KAT6B: variants seen among roughly 807,000 people sequenced by gnomAD.
The protein encoded by KAT6B is lysine acetyltransferase 6B, also known as histone acetyltransferase KAT6B.
KAT6B carries 10 observed loss-of-function variants against 187.5 expected under a neutral mutation model. That is an observed-to-expected ratio of 0.05 (90% CI 0.03 to 0.09). The LOEUF is 0.09. Among genes scored for constraint, KAT6B ranks in the 10% least tolerant of loss-of-function variants. KAT6B has a pLI of 1.00. For synonymous variants in KAT6B, 861 were observed against 926.8 expected (o/e 0.93, Z 1.29); for missense variants, 1,952 against 2,558.9 (o/e 0.76, Z 5.12).
chr10:74,997,199 C>G (rs964298673), intron 13 of KAT6B, among the ~76,000 whole-genome samples: 1 of 151,694 alleles, frequency 6.6e-6, no homozygotes, highest in African/African-American at 2.4e-5. Context: ...ATCTCTCTCT[C>G]TTTCTCTCTC....
At chr10:74,896,101 C>T (rs1012356450) in intron 3 of KAT6B, among the ~76,000 whole-genome samples, 6 of 152,052 alleles carry the variant, frequency 3.9e-5, no homozygotes, top group African/African-American at 9.7e-5. Flanking sequence ...GCTTTTCTCT[C>T]CTATAGCCTC....
chr10:74,859,550 G>A (rs1170750797), intron 3 of KAT6B, among the ~76,000 whole-genome samples: 1 of 152,168 alleles, frequency 6.6e-6, no homozygotes, highest in Admixed American at 6.5e-5. Context: ...GAGGTAACGA[G>A]CCTCTAGAAT....
chr10:74,969,082 AC>A (rs1841681118), intron 4 of KAT6B, among the ~76,000 whole-genome samples: 1 of 151,930 alleles, frequency 6.6e-6, no homozygotes, highest in South Asian at 2.1e-4. Context: ...CAGAGTTTAA[AC>A]TCAGTGACCC....
chr10:74,842,568 T>G, intron 2 of KAT6B, 32 bp from the exon 3 acceptor site: 1 of 583,058 alleles, frequency 1.7e-6, no homozygotes. Context: ...GCTTCATTAT[T>G]AAGAGACTTT....
chr10:74,982,342 CT>C, intron 11 of KAT6B: 2 of 215,296 alleles, frequency 9.3e-6, no homozygotes, highest in Non-Finnish European at 9.4e-6. Flanking sequence ...ACACAACCAC[CT>C]GTGTTTCCAT....
At chr10:74,992,291 A>G (rs1843167165) in intron 13 of KAT6B, among the ~76,000 whole-genome samples, 1 of 152,202 alleles carries the variant, frequency 6.6e-6, no homozygotes, top group East Asian at 1.9e-4. Context: ...AATGTGATGC[A>G]CTGTGTGTAT....
At chr10:74,995,441 G>C (rs1366136945) in intron 13 of KAT6B, among the ~76,000 whole-genome samples, 1 of 152,188 alleles carries the variant, frequency 6.6e-6, no homozygotes, top group Non-Finnish European at 1.5e-5. Context: ...TATTCTCAGT[G>C]AATGTGCCCT....
At position 75,022,238 on chromosome 10, in the gene KAT6B, GTCTGTT is replaced by G; in HGVS notation, c.3372+9_3372+14del. On this transcript the variant is annotated splice_region_variant and intron_variant, in intron 16 of 17. Transcript: ENST00000287239. ...AGTTGCCATAAAGAGAAAGGTAGGT[GTCTGTT>G]TAGATTTTCTGTGAGTCGCGTTCAA... 1.2e-6 allele frequency: 2 copies of G among 1,613,070 alleles called. No homozygotes were observed. The highest frequency in any genetic ancestry group is 2.2e-5 in the South Asian group (2 of 91,078).
intron 3 of KAT6B, among the ~76,000 whole-genome samples, chr10:74,942,493 TG>T (rs1308453148): frequency 6.6e-6 from 1 of 151,934 alleles, no homozygotes; most frequent in African/African-American, 2.4e-5. Context: ...TGGCTGGGCA[TG>T]GTGGCTCATA....
At chr10:74,945,974 TTCC>T (rs1839922718) in intron 3 of KAT6B, among the ~76,000 whole-genome samples, 1 of 152,222 alleles carries the variant, frequency 6.6e-6, no homozygotes, top group Admixed American at 6.5e-5. Context: ...TGAGAAATAT[TTCC>T]TCCTCCTCTA....
chr10:74,884,043 G>T (rs1167010224), intron 3 of KAT6B, among the ~76,000 whole-genome samples: 1 of 152,108 alleles, frequency 6.6e-6, no homozygotes, highest in Non-Finnish European at 1.5e-5. Flanking sequence ...CATGGAGATG[G>T]GAGAGAAAAA....
At position 74,918,939 on chromosome 10, in the gene KAT6B, C is replaced by T. The variant is rs372989397; in HGVS notation, c.622-41031C>T. Among the ~76,000 whole-genome samples the T allele has an allele frequency of 1.9e-4, 29 of 151,978 alleles. No homozygotes were observed. The South Asian group carries it at 2.7e-3, about 14-fold the overall frequency. On this transcript the variant is annotated intron_variant, in intron 3 of 17. Transcript: ENST00000287239. ...GTCTTTAAAAATATTTTCTCTGGGC[C>T]GTGCATGGTGGCTCACGCTTGTAAT... is the stretch of plus-strand genomic sequence containing the variant.
intron 3 of KAT6B, among the ~76,000 whole-genome samples, chr10:74,922,847 A>G (rs1848236076): frequency 6.6e-6 from 1 of 152,178 alleles, no homozygotes; most frequent in African/African-American, 2.4e-5. Context: ...TTCTGTAGTC[A>G]TATTTTTTTT....
At chr10:74,987,641 T>C (rs1473014248) in intron 12 of KAT6B, among the ~76,000 whole-genome samples, 1 of 152,244 alleles carries the variant, frequency 6.6e-6, no homozygotes, top group East Asian at 1.9e-4. Context: ...AATAGATGGC[T>C]GTAAACAGAA....
chr10:74,871,774 T>G (rs553306610), intron 3 of KAT6B, among the ~76,000 whole-genome samples: 2 of 152,312 alleles, frequency 1.3e-5, no homozygotes, highest in South Asian at 4.1e-4. Flanking sequence ...CAAGGAAGTT[T>G]CAGGTGCTAG....
At chr10:74,957,171 G>T (rs1321262256) in intron 3 of KAT6B, among the ~76,000 whole-genome samples, 1 of 152,204 alleles carries the variant, frequency 6.6e-6, no homozygotes, top group Middle Eastern at 3.4e-3. Context: ...CCATTTACAT[G>T]CGTTACTGTA....
At chr10:74,839,634 CA>C (rs1195675266) in intron 2 of KAT6B, among the ~76,000 whole-genome samples, 1 of 152,212 alleles carries the variant, frequency 6.6e-6, no homozygotes, top group African/African-American at 2.4e-5. Flanking sequence ...CTACTTTCTG[CA>C]GTTGTATTTT....
At chr10:74,926,439 C>CT in intron 3 of KAT6B, among the ~76,000 whole-genome samples, 1 of 152,316 alleles carries the variant, frequency 6.6e-6, no homozygotes, top group East Asian at 1.9e-4. Flanking sequence ...GGGCAACAGA[C>CT]TGAGACTCTG....
rs754657979 is a variant in KAT6B, at chr10:75,030,745, C to T, written c.5921C>T (p.Ala1974Val). 8 of 1,614,066 alleles carry T rather than the reference C, an allele frequency of 5.0e-6. No individual in the cohort carries two copies. The highest frequency in any genetic ancestry group is 1.3e-5 in the African/African-American group (1 of 74,936). The change falls in exon 18 of 18, where the codon GCG becomes GTG. Residue 1974 changes from alanine to valine, a missense_variant. Ala to Val is a moderately conservative substitution (Grantham distance 64). Around this residue, in one of 9 missense-constraint regions of KAT6B, gnomAD observed 358 missense variants for 436.3 expected, o/e 0.82. Coordinates refer to ENST00000287239, the MANE Select transcript of KAT6B (RefSeq NM_012330.4). This position sits in a 1 kb window ranked among gnomAD's most constrained non-coding sequence, Gnocchi z 4.8. ...AACATGAGTGTGAACCTGATGCCAG[C>T]GCCAGCCTACAATGTCAACTCTGTG... ...GMNMSVNLMP[A>V]PAYNVNSVNM...
Sources: gnomAD v4.1 joint callset for allele counts (sites outside exome capture counted in the v4.1 genomes callset) on GRCh38, gnomAD v4.1.1 for gene constraint, gnomAD v4.1.1 regional missense constraint, Gnocchi (gnomAD v3.1) non-coding constraint, MANE v1.5 for transcripts, NCBI Gene and HGNC (gene_info 2026-07-23, HGNC 2026-07-21) for gene names.